The following NECTIN3 variants were observed in gnomAD, a reference collection of about 807,000 sequenced individuals.
NECTIN3 encodes nectin-3.
NECTIN3 carries 8 observed loss-of-function variants against 49.4 expected under a neutral mutation model. The observed-to-expected ratio is 0.16, with a 90% confidence interval of 0.10 to 0.29. The LOEUF (loss-of-function observed/expected upper bound fraction) is 0.29. NECTIN3 is among the 10% of genes least tolerant of loss of function. The pLI is 1.00. For missense variants in NECTIN3, 581 were observed against 654.6 expected (o/e 0.89, Z 1.23); for synonymous variants, 277 against 241.1 (o/e 1.15, Z -1.38).
At position 111,077,479 on chromosome 3, in the gene NECTIN3, A is replaced by G. The variant is rs1048634345; in HGVS notation, c.160+5302A>G. ...ACAGAAAAAGGGAGTGGGGCTGTAA[A>G]TAGCTATTCTCAAATAGTTAGAGCC... On this transcript the variant is annotated intron_variant, in intron 1 of 5. Coordinates refer to ENST00000485303, the MANE Select transcript of NECTIN3 (RefSeq NM_015480.3). 1.1e-4 allele frequency among the ~76,000 whole-genome samples: 16 copies of G among 152,120 alleles called. 1 individual carries two copies. Among genetic ancestry groups the G allele is most frequent in the Admixed American group, 5.2e-4 (8 of 15,256 alleles).
intron 7 of NECTIN3, among the ~76,000 whole-genome samples, chr3:111,182,440 AT>A (rs2035644085): frequency 6.6e-6 from 1 of 152,114 alleles, no homozygotes; most frequent in South Asian, 2.1e-4. Context: ...TTTCTACTAC[AT>A]TTGTGAATAT....
rs780559368 is a variant in NECTIN3, at chr3:111,133,868, C to T, written c.1303C>T (p.Arg435Cys). Reference sequence around the variant, plus strand: ...CTGCTATAGGAGAAGACGGACGTTTCGTGGAGACTACTTTGCCAAGAACTA... The same window carrying T: ...CTGCTATAGGAGAAGACGGACGTTTTGTGGAGACTACTTTGCCAAGAACTA... ...IFCYRRRRTF[R>C]GDYFAKNYIP... The change falls in exon 6 of 6, where the codon CGT (arginine) becomes TGT (cysteine). Residue 435 changes from arginine to cysteine, a missense_variant. Physicochemically the swap from Arg to Cys is radical, Grantham distance 180. This residue lies in a region of NECTIN3 where 238 missense variants were observed against 244.9 expected (regional missense o/e 0.97). Coordinates refer to ENST00000485303, the MANE Select transcript of NECTIN3 (RefSeq NM_015480.3). 10 of 1,613,774 alleles carry T rather than the reference C, an allele frequency of 6.2e-6. No homozygotes were observed. The highest frequency in any genetic ancestry group is 2.2e-5 in the South Asian group (2 of 91,086).
intron 7 of NECTIN3, among the ~76,000 whole-genome samples, chr3:111,181,989 T>C (rs1026660581): frequency 2.0e-5 from 3 of 151,988 alleles, no homozygotes; most frequent in Admixed American, 2.0e-4. Context: ...CATTTAAAAA[T>C]ACAAAGTTTC....
intron 2 of NECTIN3, among the ~76,000 whole-genome samples, chr3:111,116,007 G>C (rs1422076850): frequency 1.3e-5 from 2 of 152,178 alleles, no homozygotes; most frequent in African/African-American, 4.8e-5. Context: ...TTGAGGATCT[G>C]TAGGTGGAAA....
downstream of NECTIN3, among the ~76,000 whole-genome samples, chr3:111,139,639 A>G (rs1576156086): frequency 6.6e-6 from 1 of 151,728 alleles, no homozygotes; most frequent in Non-Finnish European, 1.5e-5. Flanking sequence ...TTACCATATC[A>G]TATACCTAGA....
In NECTIN3 at chr3:111,096,163, G is replaced by A. The variant is rs145950155; in HGVS notation, c.161-15867G>A. Among the ~76,000 whole-genome samples, 5 of 152,298 alleles carry A rather than the reference G, an allele frequency of 3.3e-5. No individual in the cohort carries two copies. The East Asian group carries it at 7.7e-4, about 24-fold the overall frequency. ...CCAGGCTGAGGTGGTCTCAGATGGC[G>A]ATGAGGAACCTGTTGGAAACTGGAG... On this transcript the variant is annotated intron_variant, in intron 1 of 5. Transcript: ENST00000485303.
chr3:111,165,062 T>A lies in NECTIN3; in HGVS notation c.1221+17578T>A, dbSNP rs113488446. On this transcript the variant is annotated intron_variant, in intron 7 of 8. Transcript: ENST00000493615. The stretch of plus-strand genomic sequence containing the variant: ...TTATTTTTTATTTATTTATTTATTT[T>A]TTGAGACAGAGTCTCGCTCTGTCGC... 6.0e-3 allele frequency among the ~76,000 whole-genome samples: 914 copies of A among 152,254 alleles called. 12 individuals carry two copies. The highest frequency in any genetic ancestry group is 0.02 in the African/African-American group (837 of 41,552).
chr3:111,191,207 CTATT>C (rs959265630), upstream of NECTIN3, among the ~76,000 whole-genome samples: 2 of 152,202 alleles, frequency 1.3e-5, no homozygotes, highest in African/African-American at 4.8e-5. Context: ...ATTTGAATCA[CTATT>C]TACCACTTAC....
intron 7 of NECTIN3, among the ~76,000 whole-genome samples, chr3:111,150,979 G>A (rs547636261): frequency 4.0e-5 from 6 of 151,880 alleles, no homozygotes; most frequent in Non-Finnish European, 7.4e-5. Context: ...TCCTCAAGAT[G>A]TAAAAGATCA....
At chr3:111,188,028 G>A (rs1397696592), upstream of NECTIN3, among the ~76,000 whole-genome samples, 2 of 152,156 alleles carry the variant, frequency 1.3e-5, no homozygotes, top group Non-Finnish European at 2.9e-5. Context: ...TTGTGGCATG[G>A]GGGCAGGGAA....
At chr3:111,095,224 G>C (rs1283998299) in intron 1 of NECTIN3, among the ~76,000 whole-genome samples, 1 of 152,110 alleles carries the variant, frequency 6.6e-6, no homozygotes, top group Non-Finnish European at 1.5e-5. Context: ...ATCTATTTTA[G>C]AGACTTGAGG....
intron 7 of NECTIN3, among the ~76,000 whole-genome samples, chr3:111,175,763 G>C (rs1049329398): frequency 2.0e-5 from 3 of 152,104 alleles, no homozygotes; most frequent in African/African-American, 7.2e-5. Flanking sequence ...TTCAGTAACA[G>C]CCTCTGATGG....
At chr3:111,078,998 A>G (rs2107358328) in intron 1 of NECTIN3, among the ~76,000 whole-genome samples, 1 of 152,284 alleles carries the variant, frequency 6.6e-6, no homozygotes, top group Admixed American at 6.5e-5. Context: ...TAATGGAAGT[A>G]TGCTAATGTG....
At chr3:111,118,549 A>G in intron 2 of NECTIN3, 107 bp from the exon 3 acceptor site, 1 of 991,192 alleles carries the variant, frequency 1.0e-6, no homozygotes, top group African/African-American at 1.7e-5. Flanking sequence ...GTAGATTTTT[A>G]TATGCAGTTG....
intron 5 of NECTIN3, among the ~76,000 whole-genome samples, chr3:111,127,815 A>G (rs923340980): frequency 6.6e-6 from 1 of 151,766 alleles, no homozygotes; most frequent in African/African-American, 2.4e-5. Context: ...TGATCTGCCC[A>G]CCTCAACCTC....
intron 2 of NECTIN3, among the ~76,000 whole-genome samples, chr3:111,117,144 TAAA>T (rs1168176030): frequency 2.6e-5 from 4 of 151,848 alleles, no homozygotes; most frequent in Admixed American, 1.3e-4. Flanking sequence ...AATAAAAAAG[TAAA>T]AAAATGAATT....
At chr3:111,148,773 T>A (rs2034936170) in intron 7 of NECTIN3, among the ~76,000 whole-genome samples, 1 of 152,172 alleles carries the variant, frequency 6.6e-6, no homozygotes, top group Admixed American at 6.5e-5. Context: ...TTTTAGGAAC[T>A]CTTTGATGTG....
intron 1 of NECTIN3, among the ~76,000 whole-genome samples, chr3:111,079,286 A>G (rs1026501738): frequency 2.0e-5 from 3 of 152,098 alleles, no homozygotes; most frequent in South Asian, 2.1e-4. Flanking sequence ...CTCAGCAATT[A>G]TGGTGGCTAT....
chr3:111,091,278 C>CGGAGTCT (rs2032252800), intron 1 of NECTIN3, among the ~76,000 whole-genome samples: 1 of 151,792 alleles, frequency 6.6e-6, no homozygotes, highest in Non-Finnish European at 1.5e-5. Flanking sequence ...TTTTTTGAGA[C>CGGAGTCT]GGAGTCTTGC....
Sources: gnomAD v4.1 joint callset for allele counts (sites outside exome capture counted in the v4.1 genomes callset) on GRCh38, gnomAD v4.1.1 for gene constraint, gnomAD v4.1.1 regional missense constraint, MANE v1.5 for transcripts, NCBI Gene and HGNC (gene_info 2026-07-23, HGNC 2026-07-21) for gene names.